Variants in LAP3 observed in about 807,000 individuals in gnomAD.
LAP3 encodes cytosol aminopeptidase.
In LAP3, 46 loss-of-function variants were observed where a neutral mutation model predicts 58.8. The observed-to-expected ratio is 0.78, with a 90% confidence interval of 0.62 to 1.00. LAP3 has a LOEUF of 1.00. Among genes scored for constraint, LAP3 ranks in the 50% least tolerant of loss-of-function variants. LAP3 has a pLI of 0.00. For missense variants in LAP3, 615 were observed against 659.1 expected, an observed-to-expected ratio of 0.93 and a Z score of 0.73; for synonymous variants, 257 against 237.7, an observed-to-expected ratio of 1.08 and a Z score of -0.75.
Position 17,597,077 on chromosome 4 carries a change from C to T in LAP3, c.1020C>T (p.Ser340=), listed in dbSNP as rs772105560. 2.8e-5 allele frequency: 45 copies of T among 1,614,072 alleles called. No homozygotes were observed. The highest frequency in any genetic ancestry group is 1.6e-4 in the Middle Eastern group (1 of 6,082). ...GLAPLCENMP[S]GKANKPGDVV... ...CCCCTCTTTGTGAAAATATGCCCAG[C>T]GGCAAGGCCAACAAGCCGGGGGATG... is the stretch of plus-strand genomic sequence containing the variant. The change falls in exon 9 of 13, where the codon AGC becomes AGT. Residue 340 remains serine, a synonymous_variant. Coordinates refer to ENST00000226299, the MANE Select transcript of LAP3 (RefSeq NM_015907.3).
At position 17,607,729 on chromosome 4, in the gene LAP3, C is replaced by A; in HGVS notation, c.*140C>A. ...TGTAGAACACAATGAAATTTGTATG[C>A]CTTGATTTTTTTTTCATTTCACACA... is the stretch of plus-strand genomic sequence containing the variant. On this transcript the variant is annotated 3_prime_UTR_variant, in exon 13 of 13. Coordinates refer to ENST00000226299, the MANE Select transcript of LAP3 (RefSeq NM_015907.3). 3.4e-6 allele frequency: 2 copies of A among 592,416 alleles called. No individual in the cohort carries two copies. The highest frequency in any genetic ancestry group is 1.9e-5 in the African/African-American group (1 of 52,696). 36.7% of individuals were successfully genotyped at this position (592,416 alleles called of 1,614,324 possible). A position where few individuals can be genotyped will look rare whatever the true frequency, so the allele number is the denominator to read the frequency against.
chr4:17,598,412 T>G (rs747062798), intron 9 of LAP3, 44 bp from the exon 10 acceptor site: 1 of 1,405,462 alleles, frequency 7.1e-7, no homozygotes, highest in Non-Finnish European at 1.0e-6. Context: ...GTTTTCATAT[T>G]CTTTACTTGC....
At chr4:17,597,244 G>A in intron 9 of LAP3, 110 bp downstream of exon 9, 1 of 887,992 alleles carries the variant, frequency 1.1e-6, no homozygotes, top group East Asian at 2.5e-5. Context: ...CATATTAGGG[G>A]AGGGTGCTGT....
In LAP3 at chr4:17,577,433, C is replaced by G. The variant is rs539365044; in HGVS notation, c.-33C>G. ...CCGCCCACCGCTCTCCACGTGCTCG[C>G]TGGAGGGCGGTGCGAGGGGCCGAGC... On this transcript the variant is annotated 5_prime_UTR_variant, in exon 1 of 13. Coordinates refer to ENST00000226299, the MANE Select transcript of LAP3 (RefSeq NM_015907.3). The G allele has an allele frequency of 3.3e-6, 5 of 1,503,674 alleles. No homozygotes were observed. In the African/African-American group the frequency reaches 4.3e-5, roughly 13 times the overall value. 93.1% of individuals were successfully genotyped at this position (1,503,674 alleles called of 1,614,324 possible).
At chr4:17,585,915 G>C (rs1168332042) in intron 6 of LAP3, 1 of 152,184 alleles carries the variant, frequency 6.6e-6, no homozygotes, top group Non-Finnish European at 1.5e-5. Context: ...GAGTTGAATT[G>C]CTGAATCAAA....
rs1560339530 is a variant in LAP3 at position 17,577,201 on chromosome 4, CACGAATGCGG to C, written c.-264_-255del. ...GCCCCCGCCCGCATGCGCGGGCGCA[CACGAATGCGG>C]GCGCACACGAATGCGGGCGCACACG... On this transcript the variant is annotated 5_prime_UTR_variant, in exon 1 of 13. An upstream start codon of the reference 5' UTR is lost. Coordinates refer to ENST00000226299, the MANE Select transcript of LAP3 (RefSeq NM_015907.3). 50 of 291,912 alleles carry C rather than the reference CACGAATGCGG, an allele frequency of 1.7e-4. 1 individual carries two copies. The highest frequency in any genetic ancestry group is 2.9e-4 in the East Asian group (5 of 16,956). The allele number at this position is 291,912 out of a possible 1,614,324, so 18.1% of individuals were successfully genotyped here. A position where few individuals can be genotyped will look rare whatever the true frequency, so the allele number is the denominator to read the frequency against.
At chr4:17,582,232 TG>T in intron 3 of LAP3, 55 bp from the exon 4 acceptor site, 2 of 1,413,760 alleles carry the variant, frequency 1.4e-6, no homozygotes, top group Non-Finnish European at 2.0e-6. Context: ...AATTCCTTGC[TG>T]GAAATGAATG....
intron 7 of LAP3, 56 bp downstream of exon 7, chr4:17,589,033 A>G (rs1713606572): frequency 6.4e-7 from 1 of 1,556,624 alleles, no homozygotes; most frequent in Non-Finnish European, 8.7e-7. Flanking sequence ...TGTGCAGTTT[A>G]ATTACTTGGT....
intron 6 of LAP3, chr4:17,586,251 C>G (rs868516850): frequency 7.9e-5 from 12 of 152,276 alleles, no homozygotes; most frequent in South Asian, 2.1e-4. Flanking sequence ...ATTTGTTTGA[C>G]CTAAAGAATT....
chr4:17,581,236 A>G (rs1560341171), intron 2 of LAP3, among the ~76,000 whole-genome samples: 1 of 152,130 alleles, frequency 6.6e-6, no homozygotes, highest in Non-Finnish European at 1.5e-5. Flanking sequence ...CACTTAGATT[A>G]CTGCAGTGTT....
intron 7 of LAP3, among the ~76,000 whole-genome samples, chr4:17,592,298 T>G (rs1713705015): frequency 6.6e-6 from 1 of 152,066 alleles, no homozygotes; most frequent in East Asian, 1.9e-4. Context: ...GCAGATTAGT[T>G]TTGCCTATTC....
chr4:17,581,628 T>G, intron 2 of LAP3, 132 bp from the exon 3 acceptor site: 1 of 642,612 alleles, frequency 1.6e-6, no homozygotes, highest in Non-Finnish European at 2.7e-6. Context: ...TGTATTTGGA[T>G]AAAAACATAA....
chr4:17,581,906 T>A (rs1560341439), intron 3 of LAP3, 92 bp downstream of exon 3: 2 of 1,022,304 alleles, frequency 2.0e-6, no homozygotes, highest in Non-Finnish European at 3.0e-6. Context: ...AAACATTATG[T>A]GTTGGATTGT....
chr4:17,605,288 G>C (rs1714097465), intron 11 of LAP3, among the ~76,000 whole-genome samples: 1 of 152,198 alleles, frequency 6.6e-6, no homozygotes. Flanking sequence ...GCTGCCTCCT[G>C]TGATTCTCCT....
In LAP3 at chr4:17,595,509, G is replaced by A; in HGVS notation, c.963G>A (p.Lys321=). 6.2e-7 allele frequency: 1 copy of A among 1,614,016 alleles called. No homozygotes were observed. The highest frequency in any genetic ancestry group is 8.5e-7 in the Non-Finnish European group (1 of 1,179,952). Residue 321 remains lysine, a synonymous_variant, in exon 8 of 13, where the codon AAG becomes AAA. Coordinates refer to ENST00000226299, the MANE Select transcript of LAP3 (RefSeq NM_015907.3). ...TICSAIVSAA[K]LNLPINIIGL... ...GCTCAGCCATCGTGTCTGCTGCAAA[G>A]CTTAATTTGCCCATTAATATTATAG...
chr4:17,597,764 T>C (rs1021531114), intron 9 of LAP3, among the ~76,000 whole-genome samples: 14 of 152,230 alleles, frequency 9.2e-5, no homozygotes, highest in African/African-American at 3.4e-4. Flanking sequence ...ATACCTGTGC[T>C]ATGAGTGACT....
chr4:17,603,794 G>A (rs1327953652), intron 10 of LAP3, among the ~76,000 whole-genome samples: 4 of 150,224 alleles, frequency 2.7e-5, no homozygotes, highest in Admixed American at 6.7e-5. Flanking sequence ...GATTACAGGC[G>A]TGAGGCATTG....
intron 10 of LAP3, among the ~76,000 whole-genome samples, chr4:17,603,892 T>C (rs928343368): frequency 6.8e-6 from 1 of 147,624 alleles, no homozygotes; most frequent in Non-Finnish European, 1.5e-5. Flanking sequence ...AATGGCATGA[T>C]CTCAGCTCAC....
intron 11 of LAP3, among the ~76,000 whole-genome samples, chr4:17,605,884 C>G (rs1457942900): frequency 6.6e-6 from 1 of 152,184 alleles, no homozygotes; most frequent in Admixed American, 6.5e-5. Context: ...CAGAAGGCAG[C>G]CACTTTCAAC....
Sources: gnomAD v4.1 joint callset for allele counts (sites outside exome capture counted in the v4.1 genomes callset) on GRCh38, gnomAD v4.1.1 for gene constraint, MANE v1.5 for transcripts, NCBI Gene and HGNC (gene_info 2026-07-23, HGNC 2026-07-21) for gene names.